Variants in CCDC187 observed in about 807,000 individuals in gnomAD.
CCDC187 encodes the protein coiled-coil domain-containing protein 187.
In CCDC187, 32 loss-of-function variants were observed where a neutral mutation model predicts 38.0. The ratio of observed to expected loss-of-function variants is 0.84; its 90% confidence interval spans 0.64 to 1.13. The LOEUF (loss-of-function observed/expected upper bound fraction) is 1.13, where lower values mean the gene tolerates loss of function less well. CCDC187 is among the 50% of genes most tolerant of loss of function. CCDC187 has a pLI of 0.00. For synonymous variants in CCDC187, 333 were observed against 347.9 expected (o/e 0.96, Z 0.48); for missense variants, 707 against 786.8 (o/e 0.90, Z 1.21).
chr9:136,251,152 C>T lies in CCDC187; in HGVS notation c.*2442G>A. 2.5e-6 allele frequency: 1 copy of T among 403,582 alleles called. No homozygotes were observed. Among genetic ancestry groups the T allele is most frequent in the Non-Finnish European group, 5.1e-6 (1 of 194,590 alleles). 25.0% of individuals were successfully genotyped at this position (403,582 alleles called of 1,614,324 possible). On this transcript the variant is annotated 3_prime_UTR_variant, in exon 26 of 26. Coordinates refer to ENST00000638797, the MANE Select transcript of CCDC187 (RefSeq NM_001378188.1). ...TGCTGGGACACAGATGTCCCTAAGG[C>T]CAACACGCTGCTCATCAACTCCGCA...
In CCDC187 at chr9:136,254,358, C is replaced by T; in HGVS notation, c.5470G>A (p.Gly1824Ser). 2 of 984,874 alleles carry T rather than the reference C, an allele frequency of 2.0e-6. No homozygotes were observed. Among genetic ancestry groups the T allele is most frequent in the Non-Finnish European group, 2.4e-6 (2 of 829,556 alleles). The allele number at this position is 984,874 out of a possible 1,614,324, so 61.0% of individuals were successfully genotyped here. A position where few individuals can be genotyped will look rare whatever the true frequency, so the allele number is the denominator to read the frequency against. Residue 1824 changes from glycine to serine, a missense_variant, in exon 26 of 26, where the codon GGT becomes AGT. Transcript: ENST00000638797. ...TGGGGCTCCATGCCGCTTCTGACAC[C>T]CCCTTTCAGGCTCTCGCTGGTCCCA... ...ASGTSESLKG[G>S]VRSGMEPQVA...
At chr9:136,281,791 C>A (rs940585020) in intron 9 of CCDC187, 128 bp from the exon 10 acceptor site, 4 of 397,374 alleles carry the variant, frequency 1.0e-5, no homozygotes, top group Non-Finnish European at 1.8e-5. Flanking sequence ...GCTCTCAGAC[C>A]CCCAACAGTG....
At chr9:136,263,045 C>T (rs921204215) in intron 18 of CCDC187, among the ~76,000 whole-genome samples, 2 of 152,014 alleles carry the variant, frequency 1.3e-5, no homozygotes, top group Non-Finnish European at 2.9e-5. Flanking sequence ...TGCCTGGGTC[C>T]CATGAGATCC....
In CCDC187 at chr9:136,303,207, G is replaced by A; in HGVS notation, c.230C>T (p.Pro77Leu). 5.0e-6 allele frequency: 2 copies of A among 398,536 alleles called. No individual in the cohort carries two copies. The highest frequency in any genetic ancestry group is 4.4e-6 in the Non-Finnish European group (1 of 226,072). 24.7% of individuals were successfully genotyped at this position (398,536 alleles called of 1,614,324 possible). The change falls in exon 2 of 26, where the codon CCC becomes CTC. Residue 77 changes from proline (P) to leucine (L), a missense_variant. Physicochemically the swap from Pro to Leu is moderately conservative, Grantham distance 98. Coordinates refer to ENST00000638797, the MANE Select transcript of CCDC187 (RefSeq NM_001378188.1). Reference sequence around the variant, plus strand: ...GAGGTCGTCAGACCCGACCACGTGGGGAGCTGCCCAGGGTGGGTCTGGCTG... The same window carrying A: ...GAGGTCGTCAGACCCGACCACGTGGAGAGCTGCCCAGGGTGGGTCTGGCTG... The part of the protein sequence containing the change: ...SQQPDPPWAA[P>L]HVVGSDDLKE...
chr9:136,285,889 T>C (rs36141488), intron 8 of CCDC187, among the ~76,000 whole-genome samples, 196 bp downstream of exon 8: 122,145 of 152,198 alleles, frequency 0.8, 49,298 homozygotes, highest in Non-Finnish European at 0.83. Context: ...CCCACAAGGA[T>C]GAGCCCACAC....
chr9:136,293,107 TTGCTCACACACTCACAAACACTCACA>T (rs1831376605), intron 4 of CCDC187, among the ~76,000 whole-genome samples: 2 of 145,048 alleles, frequency 1.4e-5, no homozygotes, highest in Non-Finnish European at 3.0e-5. Flanking sequence ...AACACTCACA[TTGCTCACACACTCACAAACACTCACA>T]TGCTCACACA....
In CCDC187 at chr9:136,258,541, G is replaced by GC. The variant is rs1200358237; in HGVS notation, c.4366+390_4366+391insG. On this transcript the variant is annotated intron_variant, in intron 22 of 25. Coordinates refer to ENST00000638797, the MANE Select transcript of CCDC187 (RefSeq NM_001378188.1). The surrounding 1 kb of genome is among the most constrained non-coding windows in gnomAD (Gnocchi z 4.3). ...CCTGCAAATTGGGGACTTGGCTCTC[G>GC]GGGGGGGCCCCGGCCAAGTGTAAGG... Among the ~76,000 whole-genome samples, 2 of 143,832 alleles carry GC rather than the reference G, an allele frequency of 1.4e-5. No homozygotes were observed. The highest frequency in any genetic ancestry group is 6.0e-4 in the South Asian group (2 of 3,318). The allele number at this position is 143,832 out of a possible 152,430, so 94.4% of individuals were successfully genotyped here.
chr9:136,292,316 A>G lies in CCDC187; in HGVS notation c.833-21T>C, dbSNP rs1831352338. 2 of 398,402 alleles carry G rather than the reference A, an allele frequency of 5.0e-6. 1 individual carries two copies. Among genetic ancestry groups the G allele is most frequent in the Admixed American group, 8.8e-5 (2 of 22,720 alleles). 24.7% of individuals were successfully genotyped at this position (398,402 alleles called of 1,614,324 possible). A position where few individuals can be genotyped will look rare whatever the true frequency, so the allele number is the denominator to read the frequency against. On this transcript the variant is annotated intron_variant, in intron 4 of 25. Coordinates refer to ENST00000638797, the MANE Select transcript of CCDC187 (RefSeq NM_001378188.1). The stretch of plus-strand genomic sequence containing the variant: ...CGAATCTTAAACAGAGAAAACATAC[A>G]CACAGCCGGGCGCCCCATGGCCCTC...
intron 23 of CCDC187, among the ~76,000 whole-genome samples, 167 bp from the exon 24 acceptor site, chr9:136,256,490 T>C (rs76966990): frequency 0.027 from 4,064 of 150,738 alleles, 244 homozygotes; most frequent in East Asian, 0.23. Context: ...CCTCCTCCCA[T>C]TGGGCCCTGC....
At position 136,254,801 on chromosome 9, in the gene CCDC187, T is replaced by C. The variant is rs927124817; in HGVS notation, c.5027A>G (p.Glu1676Gly). 6.1e-6 allele frequency: 6 copies of C among 985,286 alleles called. No homozygotes were observed. The African/African-American group carries it at 1.0e-4, about 17-fold the overall frequency. The allele number at this position is 985,286 out of a possible 1,614,324, so 61.0% of individuals were successfully genotyped here. A position where few individuals can be genotyped will look rare whatever the true frequency, so the allele number is the denominator to read the frequency against. Residue 1676 changes from glutamate (E) to glycine (G), a missense_variant, in exon 26 of 26, where the codon GAA (glutamate) becomes GGA (glycine). Coordinates refer to ENST00000638797, the MANE Select transcript of CCDC187 (RefSeq NM_001378188.1). ...CCGCCAGGACAAAGGCAGGCCAGCT[T>C]CCCCCGAGGAGTGTCGGGCAGAGAG... ...GELSARHSSG[E>G]AGLPLSWRSN...
intron 7 of CCDC187, among the ~76,000 whole-genome samples, chr9:136,289,023 C>T (rs970057524): frequency 7.9e-5 from 12 of 152,186 alleles, no homozygotes; most frequent in Admixed American, 1.3e-4. Context: ...CCCGGGCATC[C>T]GTTGGCCACG....
rs973433292 is a variant in CCDC187, at chr9:136,300,203, G to T, written c.724+17C>A. 2 of 398,484 alleles carry T rather than the reference G, an allele frequency of 5.0e-6. No homozygotes were observed. Among genetic ancestry groups the T allele is most frequent in the Non-Finnish European group, 8.8e-6 (2 of 226,068 alleles). 24.7% of individuals were successfully genotyped at this position (398,484 alleles called of 1,614,324 possible). A position where few individuals can be genotyped will look rare whatever the true frequency, so the allele number is the denominator to read the frequency against. On this transcript the variant is annotated intron_variant, in intron 3 of 25. Transcript: ENST00000638797. ...TCCAACCCGGAGCACCAGGGCAGCC[G>T]CCGCAGAGCCGCTCACCAGGAACCT...
intron 4 of CCDC187, among the ~76,000 whole-genome samples, chr9:136,293,974 ATG>A (rs1831461024): frequency 1.9e-5 from 2 of 107,930 alleles, no homozygotes; most frequent in Admixed American, 1.1e-4. Context: ...ATGCCCTCAC[ATG>A]CTCTCACACA....
At chr9:136,279,092 C>G (rs1301870450) in intron 10 of CCDC187, among the ~76,000 whole-genome samples, 1 of 151,590 alleles carries the variant, frequency 6.6e-6, no homozygotes, top group Non-Finnish European at 1.5e-5. Flanking sequence ...GTGTTTAAGT[C>G]TAGAAGGTTC....
intron 14 of CCDC187, 29 bp from the exon 15 acceptor site, chr9:136,268,154 A>G: frequency 1.0e-6 from 1 of 985,090 alleles, no homozygotes; most frequent in Non-Finnish European, 1.2e-6. Context: ...TGGTTGGGTC[A>G]TGTAGGGGGT....
At chr9:136,293,397 A>ACACACATG (rs1831413912) in intron 4 of CCDC187, among the ~76,000 whole-genome samples, 1 of 75,000 alleles carries the variant, frequency 1.3e-5, no homozygotes, top group Non-Finnish European at 3.0e-5. Flanking sequence ...ATGCTCACAC[A>ACACACATG]CTCACAAACA....
intron 17 of CCDC187, 171 bp from the exon 18 acceptor site, chr9:136,263,969 A>C: frequency 3.4e-6 from 1 of 293,314 alleles, no homozygotes; most frequent in South Asian, 1.3e-4. Flanking sequence ...GGATACCCCC[A>C]TGGCCTTGGG....
At chr9:136,286,060 C>A in intron 8 of CCDC187, 25 bp downstream of exon 8, 2 of 398,262 alleles carry the variant, frequency 5.0e-6, no homozygotes, top group South Asian at 2.6e-4. Context: ...ACCCAGCGGT[C>A]ACCGTGTCCC....
At chr9:136,299,464 C>T (rs893111195) in intron 3 of CCDC187, among the ~76,000 whole-genome samples, 15,873 of 152,260 alleles carry the variant, frequency 0.1, 910 homozygotes, top group East Asian at 0.24. Context: ...TCCCAAGCTC[C>T]CCATCCTTCA....
Sources: gnomAD v4.1 joint callset for allele counts (sites outside exome capture counted in the v4.1 genomes callset) on GRCh38, gnomAD v4.1.1 for gene constraint, Gnocchi (gnomAD v3.1) non-coding constraint, MANE v1.5 for transcripts, NCBI Gene and HGNC (gene_info 2026-07-23, HGNC 2026-07-21) for gene names.